The following CUL3 variants were observed in gnomAD, a reference collection of about 807,000 sequenced individuals.
CUL3 encodes the protein cullin 3.
A neutral mutation model predicts 89.1 loss-of-function variants in CUL3; 19 were observed. The observed-to-expected ratio is 0.21, with a 90% CI of 0.15 to 0.31. CUL3 has a LOEUF of 0.31. CUL3 is among the 10% of genes least tolerant of loss of function. The pLI, the probability that CUL3 is intolerant of heterozygous loss-of-function variation, is 1.00. For synonymous variants in CUL3, 351 were observed against 308.4 expected, an observed-to-expected ratio of 1.14 and a Z score of -1.45; for missense variants, 469 against 942.3, an observed-to-expected ratio of 0.50 and a Z score of 6.58.
chr2:224,506,679 T>C (rs1045956296), intron 7 of CUL3, among the ~76,000 whole-genome samples, 179 bp downstream of exon 7: 1 of 152,214 alleles, frequency 6.6e-6, no homozygotes, highest in African/African-American at 2.4e-5. Context: ...TTTAGCTCCC[T>C]GATATAAATA....
rs140481277 is a variant in CUL3 at position 224,485,751 on chromosome 2, C to A, written c.1843-3673G>T. Among the ~76,000 whole-genome samples the A allele has an allele frequency of 1.6e-4, 24 of 152,350 alleles. 1 individual carries two copies. The highest frequency in any genetic ancestry group is 5.3e-4 in the African/African-American group (22 of 41,596). On this transcript the variant is annotated intron_variant, in intron 13 of 15. Transcript: ENST00000264414. This position sits in a 1 kb window ranked among gnomAD's most constrained non-coding sequence, Gnocchi z 4.1. ...CAGTGGATCCCACAGCGCAGCACTC[C>A]AGCTCTGCGAAGGGACAGACTGCCT...
At chr2:224,508,450 C>A (rs1369959426) in intron 6 of CUL3, among the ~76,000 whole-genome samples, 2 of 152,164 alleles carry the variant, frequency 1.3e-5, no homozygotes, top group African/African-American at 4.8e-5. Flanking sequence ...ATGTGGCACA[C>A]CAAATACTTC....
intron 3 of CUL3, 149 bp from the exon 4 acceptor site, chr2:224,514,921 T>C (rs925177804): frequency 2.0e-4 from 105 of 537,152 alleles, no homozygotes; most frequent in Non-Finnish European, 2.9e-4. Flanking sequence ...AATGTGCAAC[T>C]TTCCAGCACC....
chr2:224,522,111 C>T (rs2106238516), intron 3 of CUL3, among the ~76,000 whole-genome samples: 1 of 149,972 alleles, frequency 6.7e-6, no homozygotes, highest in East Asian at 1.9e-4. Flanking sequence ...TATGACAAGT[C>T]TGTCAGAACA....
At chr2:224,565,266 A>G (rs946837946) in intron 1 of CUL3, among the ~76,000 whole-genome samples, 6 of 152,314 alleles carry the variant, frequency 3.9e-5, no homozygotes, top group African/African-American at 1.4e-4. Context: ...AGAAAAAGAA[A>G]ATGTATTTGG....
chr2:224,492,002 T>C (rs1692001545), intron 13 of CUL3, among the ~76,000 whole-genome samples: 1 of 152,220 alleles, frequency 6.6e-6, no homozygotes, highest in Non-Finnish European at 1.5e-5. Flanking sequence ...GAATATGACT[T>C]GCTAATATTG....
At chr2:224,561,104 C>A (rs1344096757) in intron 1 of CUL3, among the ~76,000 whole-genome samples, 1 of 152,196 alleles carries the variant, frequency 6.6e-6, no homozygotes, top group Non-Finnish European at 1.5e-5. Flanking sequence ...ATCCCCAACT[C>A]CAACCCACAT....
intron 15 of CUL3, among the ~76,000 whole-genome samples, chr2:224,476,949 A>AT (rs1323846791): frequency 6.6e-6 from 1 of 152,034 alleles, no homozygotes; most frequent in Non-Finnish European, 1.5e-5. Flanking sequence ...TTCCACCTCC[A>AT]TTTCCTTCTC....
intron 13 of CUL3, among the ~76,000 whole-genome samples, chr2:224,486,914 C>G (rs1210228301): frequency 6.6e-6 from 1 of 152,136 alleles, no homozygotes; most frequent in Non-Finnish European, 1.5e-5. Flanking sequence ...ACAGCAGATC[C>G]CTCTGCAGAA....
intron 4 of CUL3, among the ~76,000 whole-genome samples, chr2:224,513,930 G>T (rs930319510): frequency 2.0e-5 from 3 of 152,144 alleles, no homozygotes; most frequent in South Asian, 2.1e-4. Flanking sequence ...AGGGAGAGAG[G>T]GAGATAGGCA....
chr2:224,495,091 G>C (rs949296092), intron 13 of CUL3: 2 of 151,354 alleles, frequency 1.3e-5, no homozygotes, highest in African/African-American at 4.9e-5. Flanking sequence ...ATATATCAGT[G>C]GCATATTAAC....
intron 7 of CUL3, among the ~76,000 whole-genome samples, 191 bp from the exon 8 acceptor site, chr2:224,506,323 A>G (rs1474939296): frequency 6.6e-6 from 1 of 152,204 alleles, no homozygotes; most frequent in Non-Finnish European, 1.5e-5. Context: ...GAGAAGTATT[A>G]TAACTTCCAT....
chr2:224,525,755 T>C (rs1422917857), intron 3 of CUL3, among the ~76,000 whole-genome samples: 1 of 152,254 alleles, frequency 6.6e-6, no homozygotes, highest in East Asian at 1.9e-4. Context: ...TATATTAACC[T>C]ACTTGAAGAG....
At chr2:224,493,323 G>C (rs191372819) in intron 13 of CUL3, among the ~76,000 whole-genome samples, 2 of 152,184 alleles carry the variant, frequency 1.3e-5, no homozygotes, top group Admixed American at 6.5e-5. Context: ...CTAATTTGTG[G>C]AGGTGATTTC....
Position 224,473,695 on chromosome 2 carries a change from T to G in CUL3, c.*550A>C, listed in dbSNP as rs369378295. The G allele has an allele frequency of 5.4e-6, 1 of 184,092 alleles. No individual in the cohort carries two copies. The highest frequency in any genetic ancestry group is 2.3e-5 in the African/African-American group (1 of 42,684). 11.4% of individuals were successfully genotyped at this position (184,092 alleles called of 1,614,324 possible). On this transcript the variant is annotated 3_prime_UTR_variant, in exon 16 of 16. Transcript: ENST00000264414. ...CTAGAAGATGAGTAAGTGCAAGTGG[T>G]AGAATACAGCATGCTCAAATTGTAT...
At chr2:224,532,304 G>A (rs1693724911) in intron 3 of CUL3, among the ~76,000 whole-genome samples, 1 of 152,068 alleles carries the variant, frequency 6.6e-6, no homozygotes, top group Non-Finnish European at 1.5e-5. Context: ...ATTTAAGGGG[G>A]GATGGTGGGG....
chr2:224,504,555 G>A (rs1382525987), intron 8 of CUL3, among the ~76,000 whole-genome samples: 4 of 152,202 alleles, frequency 2.6e-5, no homozygotes, highest in Non-Finnish European at 4.4e-5. Context: ...GTGATCCGCC[G>A]CCTTTGCCTC....
chr2:224,526,607 A>AAAAAAAAAAAAAAAAAAAAAG, intron 3 of CUL3, among the ~76,000 whole-genome samples: 1 of 150,768 alleles, frequency 6.6e-6, no homozygotes, highest in Non-Finnish European at 1.5e-5. Flanking sequence ...AAAAAAAAAA[A>AAAAAAAAAAAAAAAAAAAAAG]AAAAGAAAAG....
At chr2:224,566,487 C>T (rs993876435) in intron 1 of CUL3, among the ~76,000 whole-genome samples, 1 of 152,192 alleles carries the variant, frequency 6.6e-6, no homozygotes, top group African/African-American at 2.4e-5. Context: ...AGTCAATATC[C>T]TTTGTGGCAC....
Sources: allele counts gnomAD v4.1 joint callset (sites outside exome capture counted in the v4.1 genomes callset), GRCh38; gene constraint gnomAD v4.1.1; non-coding constraint Gnocchi (gnomAD v3.1); transcripts MANE v1.5; gene names NCBI Gene and HGNC (gene_info 2026-07-23, HGNC 2026-07-21).